Variants in ATRNL1 observed in about 807,000 individuals in gnomAD.
ATRNL1 encodes the protein attractin like 1, also known as attractin-like protein 1.
A neutral mutation model predicts 182.7 loss-of-function variants in ATRNL1; 95 were observed. That is an observed-to-expected ratio of 0.52 (90% CI 0.44 to 0.62). The LOEUF (loss-of-function observed/expected upper bound fraction) is 0.62, where lower values mean the gene tolerates loss of function less well. Among genes scored for constraint, ATRNL1 ranks in the 20% least tolerant of loss-of-function variants. The probability of loss-of-function intolerance (pLI) is 0.00; values close to 1 mark genes in which losing one functional copy is unlikely to be tolerated. For missense variants in ATRNL1, 1,471 were observed against 1,679.5 expected (o/e 0.88, Z 2.17); for synonymous variants, 576 against 568.3 (o/e 1.01, Z -0.19).
chr10:115,401,017 G>T (rs1256541684), intron 20 of ATRNL1, among the ~76,000 whole-genome samples: 3 of 151,698 alleles, frequency 2.0e-5, no homozygotes, highest in Admixed American at 1.3e-4. Flanking sequence ...TGCAGTAAGT[G>T]TACTAACTAA....
chr10:115,836,043 G>A (rs1168795910), intron 27 of ATRNL1, among the ~76,000 whole-genome samples: 1 of 152,156 alleles, frequency 6.6e-6, no homozygotes, highest in African/African-American at 2.4e-5. Context: ...ATTTCCTGGG[G>A]AATCCAACGT....
chr10:115,905,496 C>T (rs1270622872), intron 28 of ATRNL1, among the ~76,000 whole-genome samples: 1 of 151,914 alleles, frequency 6.6e-6, no homozygotes, highest in Non-Finnish European at 1.5e-5. Context: ...TCCCAAAGTA[C>T]TGGGACTACA....
chr10:115,248,887 T>C (rs782005239), intron 10 of ATRNL1, among the ~76,000 whole-genome samples: 4 of 152,190 alleles, frequency 2.6e-5, no homozygotes, highest in Admixed American at 6.5e-5. Flanking sequence ...TAATATAGGT[T>C]TTTCTTTATA....
At chr10:115,467,498 T>A (rs1848109610) in intron 23 of ATRNL1, among the ~76,000 whole-genome samples, 1 of 150,866 alleles carries the variant, frequency 6.6e-6, no homozygotes, top group Non-Finnish European at 1.5e-5. Flanking sequence ...AATTTTTAAG[T>A]GGCAGTGTTA....
At chr10:115,735,315 G>C (rs76608827) in intron 27 of ATRNL1, among the ~76,000 whole-genome samples, 1 of 151,976 alleles carries the variant, frequency 6.6e-6, no homozygotes, top group Non-Finnish European at 1.5e-5. Context: ...ACTTTATCAA[G>C]CATTCTAGTT....
chr10:115,927,686 CT>C (rs1300286841), intron 28 of ATRNL1, among the ~76,000 whole-genome samples: 1 of 151,992 alleles, frequency 6.6e-6, no homozygotes, highest in Non-Finnish European at 1.5e-5. Flanking sequence ...TTATCCAAAC[CT>C]TTTCACAGAG....
intron 27 of ATRNL1, among the ~76,000 whole-genome samples, chr10:115,747,441 A>G (rs1413236496): frequency 2.0e-5 from 3 of 152,142 alleles, no homozygotes; most frequent in African/African-American, 7.2e-5. Context: ...ACTCAGTGGT[A>G]ATACTGGGAA....
intron 27 of ATRNL1, among the ~76,000 whole-genome samples, chr10:115,843,742 C>G (rs1002781207): frequency 1.3e-5 from 2 of 152,042 alleles, no homozygotes; most frequent in Admixed American, 6.6e-5. Context: ...AAGACATGGT[C>G]AGCACACGTT....
intron 19 of ATRNL1, among the ~76,000 whole-genome samples, chr10:115,367,669 G>T (rs1372599476): frequency 7.7e-6 from 1 of 129,152 alleles, no homozygotes; most frequent in Non-Finnish European, 1.8e-5. Flanking sequence ...TTTGGTCGTC[G>T]ATGATGGTGA....
intron 5 of ATRNL1, among the ~76,000 whole-genome samples, chr10:115,138,399 A>G (rs1238284646): frequency 6.6e-6 from 1 of 152,220 alleles, no homozygotes; most frequent in Non-Finnish European, 1.5e-5. Flanking sequence ...GAGGTTCTCC[A>G]TGAGGGCTCT....
intron 25 of ATRNL1, among the ~76,000 whole-genome samples, chr10:115,531,322 G>A (rs77396860): frequency 0.2 from 30,794 of 151,110 alleles, 3,404 homozygotes; most frequent in Non-Finnish European, 0.25. Context: ...TTGCCATTCT[G>A]ACTGGTGTGA....
At chr10:115,730,754 T>A (rs955629970) in intron 27 of ATRNL1, among the ~76,000 whole-genome samples, 6 of 152,238 alleles carry the variant, frequency 3.9e-5, no homozygotes, top group Admixed American at 2.6e-4. Flanking sequence ...TAGTCAGGGT[T>A]CTATAGAGGG....
At chr10:115,410,213 G>T (rs1222107118) in intron 20 of ATRNL1, among the ~76,000 whole-genome samples, 1 of 151,822 alleles carries the variant, frequency 6.6e-6, no homozygotes, top group Non-Finnish European at 1.5e-5. Flanking sequence ...ATCTGGTTTT[G>T]GTATCAGGGT....
intron 20 of ATRNL1, among the ~76,000 whole-genome samples, 170 bp from the exon 21 acceptor site, chr10:115,426,076 CAATT>C (rs1845871805): frequency 6.6e-6 from 1 of 151,960 alleles, no homozygotes; most frequent in Admixed American, 6.6e-5. Context: ...AAGCTTTCTA[CAATT>C]AATTCAAATT....
Position 115,167,444 on chromosome 10 carries a change from G to A in ATRNL1, c.1092+1799G>A, listed in dbSNP as rs1298911028. 2.6e-5 allele frequency among the ~76,000 whole-genome samples: 4 copies of A among 151,986 alleles called. No individual in the cohort carries two copies. The East Asian group carries it at 5.8e-4, about 22-fold the overall frequency. On this transcript the variant is annotated intron_variant, in intron 7 of 28. Coordinates refer to ENST00000355044, the MANE Select transcript of ATRNL1 (RefSeq NM_207303.4). ...TCTTCTATTTCTGCAAAAATGTTGG[G>A]GTTTTGACAGGGATTGTATTGACAT...
intron 26 of ATRNL1, among the ~76,000 whole-genome samples, chr10:115,639,108 A>T (rs530722291): frequency 7.1e-4 from 108 of 152,360 alleles, no homozygotes; most frequent in Non-Finnish European, 1.2e-3. Flanking sequence ...ATCATAATTA[A>T]GTTTTTGAAA....
intron 25 of ATRNL1, among the ~76,000 whole-genome samples, chr10:115,538,484 A>G (rs998509736): frequency 2.6e-5 from 4 of 152,034 alleles, no homozygotes; most frequent in Admixed American, 2.0e-4. Context: ...TATTAGTTAT[A>G]CTTTCATTTT....
intron 5 of ATRNL1, among the ~76,000 whole-genome samples, chr10:115,150,726 G>GT (rs1161556000): frequency 9.9e-5 from 15 of 151,892 alleles, no homozygotes; most frequent in Non-Finnish European, 1.5e-4. Flanking sequence ...TTTTTTTGAA[G>GT]TTTTTTTATT....
At chr10:115,940,586 C>T (rs1589721267) in intron 28 of ATRNL1, among the ~76,000 whole-genome samples, 1 of 152,088 alleles carries the variant, frequency 6.6e-6, no homozygotes, top group Admixed American at 6.6e-5. Context: ...TTTAAAAAAG[C>T]TATTGACTTG....
Sources: allele counts gnomAD v4.1 joint callset (sites outside exome capture counted in the v4.1 genomes callset), GRCh38; gene constraint gnomAD v4.1.1; transcripts MANE v1.5; gene names NCBI Gene and HGNC (gene_info 2026-07-23, HGNC 2026-07-21).